The following SIPA1L2 variants were observed in gnomAD, a reference collection of about 807,000 sequenced individuals.
The protein encoded by SIPA1L2 is signal-induced proliferation-associated 1-like protein 2.
In SIPA1L2, 56 loss-of-function variants were observed where a neutral mutation model predicts 163.9. The ratio of observed to expected loss-of-function variants is 0.34; its 90% CI spans 0.28 to 0.43. The LOEUF is 0.43. Ranked by LOEUF, SIPA1L2 falls within the 20% of genes least tolerant of loss-of-function variation. SIPA1L2 has a pLI of 1.00. For missense variants in SIPA1L2, 1,974 were observed against 2,193.5 expected (o/e 0.90, Z 2.00); for synonymous variants, 877 against 865.7 (o/e 1.01, Z -0.23).
intron 7 of SIPA1L2, among the ~76,000 whole-genome samples, chr1:232,476,425 A>C (rs1234611753): frequency 6.6e-6 from 1 of 152,176 alleles, no homozygotes; most frequent in African/African-American, 2.4e-5. Flanking sequence ...AGGCACCTCT[A>C]CTTTATATGA....
intron 8 of SIPA1L2, among the ~76,000 whole-genome samples, chr1:232,467,337 G>C (rs180916306): frequency 9.2e-4 from 140 of 152,244 alleles, no homozygotes; most frequent in African/African-American, 2.9e-3. Context: ...TTGACTTACG[G>C]GCTTAAATGA....
At chr1:232,522,819 T>C (rs1276202052) in intron 2 of SIPA1L2, among the ~76,000 whole-genome samples, 1 of 152,228 alleles carries the variant, frequency 6.6e-6, no homozygotes, top group Non-Finnish European at 1.5e-5. Context: ...ACAAACATAC[T>C]GATTTGAAAT....
Position 232,465,421 on chromosome 1 carries a change from G to C in SIPA1L2, c.2244-5C>G. ...TTTGATCTGGAAACTCCAACACTGA[G>C]GAAGTAAAAACAGAAACAAAATGAG... On this transcript the variant is annotated splice_region_variant and splice_polypyrimidine_tract_variant and intron_variant, in intron 8 of 22. Transcript: ENST00000674635. This position sits in a 1 kb window ranked among gnomAD's most constrained non-coding sequence, Gnocchi z 4.1. The C allele has an allele frequency of 6.3e-7, 1 of 1,590,750 alleles. No individual in the cohort carries two copies. Among genetic ancestry groups the C allele is most frequent in the Non-Finnish European group, 8.6e-7 (1 of 1,168,032 alleles).
chr1:232,588,937 C>CT (rs1392353125), intron 1 of SIPA1L2, among the ~76,000 whole-genome samples: 1 of 151,966 alleles, frequency 6.6e-6, no homozygotes, highest in Non-Finnish European at 1.5e-5. Context: ...TCTAAAATCC[C>CT]TTTTTTATTT....
chr1:232,411,166 A>G (rs1438370643), intron 19 of SIPA1L2, among the ~76,000 whole-genome samples: 2 of 152,176 alleles, frequency 1.3e-5, no homozygotes, highest in Non-Finnish European at 2.9e-5. Context: ...AATACTGTAC[A>G]TTTACATATT....
chr1:232,621,311 T>C (rs147836436), intron 1 of SIPA1L2, among the ~76,000 whole-genome samples: 5 of 152,176 alleles, frequency 3.3e-5, no homozygotes, highest in Admixed American at 6.5e-5. Flanking sequence ...CTTTCAGTGA[T>C]AGTGAGTCGG....
intron 7 of SIPA1L2, among the ~76,000 whole-genome samples, chr1:232,471,782 C>T (rs1446992442): frequency 6.6e-6 from 1 of 152,146 alleles, no homozygotes; most frequent in Non-Finnish European, 1.5e-5. Context: ...TCCTTTTGGT[C>T]TTTATCCAGT....
Position 232,418,593 on chromosome 1 carries a change from C to G in SIPA1L2, c.4631-2968G>C, listed in dbSNP as rs562694541. Among the ~76,000 whole-genome samples the G allele has an allele frequency of 7.9e-5, 12 of 152,284 alleles. No homozygotes were observed. In the East Asian group the frequency reaches 2.3e-3, roughly 29 times the overall value. On this transcript the variant is annotated intron_variant, in intron 18 of 22. Transcript: ENST00000674635. ...CCCCCTACGCAATGCATGCAGAGAC[C>G]CCACACAATGTGGCACTAATGGCTC...
At position 232,445,671 on chromosome 1, in the gene SIPA1L2, T is replaced by G; in HGVS notation, c.3211A>C (p.Thr1071Pro). The stretch of plus-strand genomic sequence containing the variant: ...CTAGAGAGGGGCTGCAGGGCAGGAG[T>G]GGGCACCCGGTGCCACGTGGTGTTC... The part of the protein sequence containing the change: ...RRNTTWHRVP[T>P]PALQPLSRAS... The change falls in exon 11 of 23, where the codon ACT (threonine) becomes CCT (proline). Residue 1071 changes from threonine (T) to proline (P), a missense_variant. This residue lies in a region of SIPA1L2 where 1,079 missense variants were observed against 1,150.7 expected (regional missense o/e 0.94). Transcript: ENST00000674635. The G allele has an allele frequency of 6.2e-7, 1 of 1,613,064 alleles. No individual in the cohort carries two copies. Among genetic ancestry groups the G allele is most frequent in the Non-Finnish European group, 8.5e-7 (1 of 1,179,544 alleles).
chr1:232,417,314 T>G (rs1444081880), intron 18 of SIPA1L2, among the ~76,000 whole-genome samples: 1 of 152,186 alleles, frequency 6.6e-6, no homozygotes, highest in African/African-American at 2.4e-5. Context: ...CCTTTAGAAG[T>G]TGGGGTAATA....
chr1:232,458,080 A>G (rs1238054470), intron 10 of SIPA1L2, among the ~76,000 whole-genome samples: 1 of 152,164 alleles, frequency 6.6e-6, no homozygotes, highest in Non-Finnish European at 1.5e-5. Flanking sequence ...TGGGTGTGCC[A>G]ATTTTGGAAC....
intron 1 of SIPA1L2, among the ~76,000 whole-genome samples, chr1:232,581,495 C>A (rs1189179439): frequency 6.6e-6 from 1 of 152,092 alleles, no homozygotes; most frequent in Non-Finnish European, 1.5e-5. Context: ...AATGTTTGAG[C>A]CCCTGAATCC....
At chr1:232,597,656 C>G (rs905915408) in intron 1 of SIPA1L2, among the ~76,000 whole-genome samples, 8 of 143,084 alleles carry the variant, frequency 5.6e-5, no homozygotes, top group Non-Finnish European at 1.1e-4. Flanking sequence ...CGCCACTGCA[C>G]TCCAGCCTGG....
intron 1 of SIPA1L2, among the ~76,000 whole-genome samples, chr1:232,624,349 A>G (rs1049687516): frequency 6.6e-6 from 1 of 152,280 alleles, no homozygotes; most frequent in Non-Finnish European, 1.5e-5. Flanking sequence ...AGAGGACAGT[A>G]TCCCAAAGCT....
chr1:232,443,024 A>G (rs1418833762), intron 12 of SIPA1L2, among the ~76,000 whole-genome samples: 2 of 152,294 alleles, frequency 1.3e-5, no homozygotes, highest in East Asian at 3.9e-4. Flanking sequence ...CCAAAGCAGC[A>G]CCAAGTCACA....
At chr1:232,624,836 T>G (rs1377366461) in intron 1 of SIPA1L2, among the ~76,000 whole-genome samples, 3 of 152,202 alleles carry the variant, frequency 2.0e-5, no homozygotes, top group African/African-American at 7.2e-5. Context: ...GAAGAGACTG[T>G]GGTGTTCTTC....
chr1:232,607,504 C>T (rs904011086), intron 1 of SIPA1L2, among the ~76,000 whole-genome samples: 3 of 152,014 alleles, frequency 2.0e-5, no homozygotes, highest in African/African-American at 7.3e-5. Context: ...GGGTAAATTG[C>T]CCATCCCAAA....
At chr1:232,608,864 ACAGCCC>A (rs1558302492) in intron 1 of SIPA1L2, among the ~76,000 whole-genome samples, 1 of 152,100 alleles carries the variant, frequency 6.6e-6, no homozygotes, top group Non-Finnish European at 1.5e-5. Flanking sequence ...TCTTCAACTC[ACAGCCC>A]CAAAATAAAT....
chr1:232,473,572 G>A (rs1327831866), intron 7 of SIPA1L2, among the ~76,000 whole-genome samples: 1 of 152,216 alleles, frequency 6.6e-6, no homozygotes, highest in African/African-American at 2.4e-5. Context: ...GAAGGAACAT[G>A]ATGGGTCTGA....
Sources: allele counts gnomAD v4.1 joint callset (sites outside exome capture counted in the v4.1 genomes callset), GRCh38; gene constraint gnomAD v4.1.1; regional missense constraint gnomAD v4.1.1; non-coding constraint Gnocchi (gnomAD v3.1); transcripts MANE v1.5; gene names NCBI Gene and HGNC (gene_info 2026-07-23, HGNC 2026-07-21).